LRRC45: variants seen among roughly 807,000 people sequenced by gnomAD.
LRRC45 encodes leucine rich repeat containing 45.
A neutral mutation model predicts 85.4 loss-of-function variants in LRRC45; 73 were observed. The ratio of observed to expected loss-of-function variants is 0.85; its 90% CI spans 0.71 to 1.04. The LOEUF is 1.04. Among genes scored for constraint, LRRC45 ranks in the 50% least tolerant of loss-of-function variants. The pLI is 0.00. For missense variants in LRRC45, 937 were observed against 883.3 expected (o/e 1.06, Z -0.77); for synonymous variants, 429 against 386.0 (o/e 1.11, Z -1.31).
Position 82,024,773 on chromosome 17 carries a change from G to A in LRRC45, c.353+10G>A, listed in dbSNP as rs2043352155. 3 of 1,572,332 alleles carry A rather than the reference G, an allele frequency of 1.9e-6. No individual in the cohort carries two copies. The highest frequency in any genetic ancestry group is 1.4e-5 in the African/African-American group (1 of 72,590). On this transcript the variant is annotated intron_variant, in intron 3 of 16. Transcript: ENST00000306688. ...ACAAGTCCATTCAGAGGTGGGTGGT[G>A]GTCCCGACCCCAGGCCCTGTCTCTG...
intron 14 of LRRC45, 40 bp downstream of exon 14, chr17:82,029,675 C>T (rs2043400296): frequency 6.5e-7 from 1 of 1,536,104 alleles, no homozygotes; most frequent in Non-Finnish European, 8.8e-7. Context: ...GGGAGCCAGG[C>T]TGCCCGGCAT....
Position 82,029,537 on chromosome 17 carries a change from G to A in LRRC45, c.1402-6G>A. ...AGAACGGGCTGGCAGGTGGCCATCT[G>A]TGCAGGAGCTGAGCCGAGTGAAAGC... On this transcript the variant is annotated splice_polypyrimidine_tract_variant and splice_region_variant and intron_variant, in intron 13 of 16. Transcript: ENST00000306688. 6.4e-7 allele frequency: 1 copy of A among 1,563,226 alleles called. No homozygotes were observed. The highest frequency in any genetic ancestry group is 8.7e-7 in the Non-Finnish European group (1 of 1,155,470).
rs1459985390 is a variant in LRRC45 at position 82,029,534 on chromosome 17, T to C, written c.1402-9T>C. The C allele has an allele frequency of 6.4e-7, 1 of 1,561,358 alleles. No homozygotes were observed. On this transcript the variant is annotated splice_polypyrimidine_tract_variant and intron_variant, in intron 13 of 16. Coordinates refer to ENST00000306688, the MANE Select transcript of LRRC45 (RefSeq NM_144999.4). ...AGGAGAACGGGCTGGCAGGTGGCCA[T>C]CTGTGCAGGAGCTGAGCCGAGTGAA...
At position 82,027,396 on chromosome 17, in the gene LRRC45, T is replaced by C. The variant is rs754448588; in HGVS notation, c.785T>C (p.Leu262Ser). Reference protein sequence around the residue: ...REEKSKQFLDLMETIDKQREE... With the variant: ...REEKSKQFLDSMETIDKQREE... ...TGTCTCTGTCCCCAGTTCCTCGACT[T>C]GATGGAGACTATTGATAAGCAGCGA... Residue 262 changes from leucine to serine, a missense_variant, in exon 7 of 17, where the codon TTG (leucine) becomes TCG (serine). By Grantham distance (145) the Leu-to-Ser change is moderately radical (BLOSUM62 -2). Transcript: ENST00000306688. 1.6e-5 allele frequency: 26 copies of C among 1,612,472 alleles called. No individual in the cohort carries two copies. In the Admixed American group the frequency reaches 3.5e-4, roughly 22 times the overall value.
At position 82,027,906 on chromosome 17, in the gene LRRC45, C is replaced by T. The variant is rs1598455528; in HGVS notation, c.912-105C>T. Reference sequence around the variant, plus strand: ...GAAGCCTTCCTGGAGGAGGCGGGTGCTGGCTGGGGTTGACTAGGTGCCCAG... The same window carrying T: ...GAAGCCTTCCTGGAGGAGGCGGGTGTTGGCTGGGGTTGACTAGGTGCCCAG... On this transcript the variant is annotated intron_variant, in intron 8 of 16. Transcript: ENST00000306688. 2.4e-5 allele frequency: 36 copies of T among 1,521,330 alleles called. 1 individual carries two copies. The East Asian group carries it at 7.5e-4, about 32-fold the overall frequency. 94.2% of individuals were successfully genotyped at this position (1,521,330 alleles called of 1,614,324 possible). A position where few individuals can be genotyped will look rare whatever the true frequency, so the allele number is the denominator to read the frequency against.
At position 82,028,230 on chromosome 17, in the gene LRRC45, C is replaced by T. The variant is rs1246055410; in HGVS notation, c.1048-4C>T. ...TCACTACCCATACCCCGTTCCCCTC[C>T]CAGGAAGCTGCAGAGCGGGAGTCTA... On this transcript the variant is annotated splice_region_variant and splice_polypyrimidine_tract_variant and intron_variant, in intron 9 of 16. Coordinates refer to ENST00000306688, the MANE Select transcript of LRRC45 (RefSeq NM_144999.4). 3 of 1,570,766 alleles carry T rather than the reference C, an allele frequency of 1.9e-6. No homozygotes were observed. Among genetic ancestry groups the T allele is most frequent in the Non-Finnish European group, 1.7e-6 (2 of 1,157,930 alleles).
intron 1 of LRRC45, 100 bp downstream of exon 1, chr17:82,023,963 G>C: frequency 8.4e-7 from 1 of 1,194,076 alleles, no homozygotes; most frequent in Non-Finnish European, 1.2e-6. Context: ...TCCAATTTCT[G>C]TGCCGTAGTT....
At chr17:82,029,738 G>A in intron 14 of LRRC45, 103 bp downstream of exon 14, 1 of 1,176,798 alleles carries the variant, frequency 8.5e-7, no homozygotes, top group Non-Finnish European at 1.2e-6. Context: ...AGGCGGGAGT[G>A]TGGTGTTGAG....
At chr17:82,027,580 A>C (rs1000218612) in intron 7 of LRRC45, 94 bp from the exon 8 acceptor site, 2 of 1,537,432 alleles carry the variant, frequency 1.3e-6, no homozygotes, top group Admixed American at 1.8e-5. Flanking sequence ...GCGACCATAG[A>C]TGCTTAAGGA....
intron 2 of LRRC45, 43 bp downstream of exon 2, chr17:82,024,382 G>T: frequency 6.2e-7 from 1 of 1,608,592 alleles, no homozygotes. Context: ...TGCCACCCAA[G>T]GGCAAGAGGA....
At chr17:82,025,283 G>A in intron 4 of LRRC45, 96 bp from the exon 5 acceptor site, 1 of 1,525,608 alleles carries the variant, frequency 6.6e-7, no homozygotes, top group Non-Finnish European at 8.8e-7. Flanking sequence ...CTCTGTTGAT[G>A]ACTGCAAGGC....
Position 82,030,191 on chromosome 17 carries a change from G to A in LRRC45, c.1621G>A (p.Gly541Ser), listed in dbSNP as rs1221132460. Residue 541 changes from glycine (G) to serine (S), a missense_variant, in exon 15 of 17, where the codon GGC (glycine) becomes AGC (serine). Coordinates refer to ENST00000306688, the MANE Select transcript of LRRC45 (RefSeq NM_144999.4). Reference sequence around the variant, plus strand: ...GGCCCAGACCCGGGTCAGCCAGCTGGGCCTGCAAGTTGAGGGCCTGCGGCG... The same window carrying A: ...GGCCCAGACCCGGGTCAGCCAGCTGAGCCTGCAAGTTGAGGGCCTGCGGCG... ...AEAQTRVSQL[G>S]LQVEGLRRRL... 1.4e-5 allele frequency: 22 copies of A among 1,542,166 alleles called. No individual in the cohort carries two copies. The highest frequency in any genetic ancestry group is 1.8e-4 in the Middle Eastern group (1 of 5,560).
Position 82,025,386 on chromosome 17 carries a change from C to T in LRRC45, c.540C>T (p.Arg180=). The change falls in exon 5 of 17, where the codon CGC becomes CGT. Residue 180 remains arginine (R), a synonymous_variant. Coordinates refer to ENST00000306688, the MANE Select transcript of LRRC45 (RefSeq NM_144999.4). ...CTACAGGTTTCCTTCCAGACCTGCG[C>T]TGGAATAACGTTGGCCTCCTGGGGG... The part of the protein sequence containing the change: ...GNTTLQQLDL[R]WNNVGLLGGR... The T allele has an allele frequency of 6.3e-7, 1 of 1,584,364 alleles. No homozygotes were observed. Among genetic ancestry groups the T allele is most frequent in the Non-Finnish European group, 8.6e-7 (1 of 1,164,134 alleles).
Position 82,029,324 on chromosome 17 carries a change from C to G in LRRC45, c.1401+139C>G. 12 of 948,380 alleles carry G rather than the reference C, an allele frequency of 1.3e-5. No homozygotes were observed. In the South Asian group the frequency reaches 2.0e-4, roughly 16 times the overall value. 58.7% of individuals were successfully genotyped at this position (948,380 alleles called of 1,614,324 possible). A position where few individuals can be genotyped will look rare whatever the true frequency, so the allele number is the denominator to read the frequency against. ...CATAGGCCCCACCTTGGGGACCCACCCACCAGTGTGCCCAAGAAGCTAAAG... is the reference window on the plus strand; with the variant it reads ...CATAGGCCCCACCTTGGGGACCCACGCACCAGTGTGCCCAAGAAGCTAAAG... On this transcript the variant is annotated intron_variant, in intron 13 of 16. Coordinates refer to ENST00000306688, the MANE Select transcript of LRRC45 (RefSeq NM_144999.4).
At chr17:82,025,322 G>A in intron 4 of LRRC45, 57 bp from the exon 5 acceptor site, 2 of 1,535,176 alleles carry the variant, frequency 1.3e-6, no homozygotes, top group Non-Finnish European at 1.8e-6. Flanking sequence ...ACCCCGGCCA[G>A]GCCAGCTCCC....
In LRRC45 at chr17:82,025,033, G is replaced by A; in HGVS notation, c.387G>A (p.Trp129Ter). Residue 129 changes from tryptophan (W) to a stop codon, truncating the protein, a stop_gained, in exon 4 of 17, where the codon TGG becomes TGA. Transcript: ENST00000306688. LOFTEE classifies it high-confidence loss of function. Reference sequence around the variant, plus strand: ...TGGAGTGGAACAGCCTGGGCACGTGGGACGATGCCTTCGCCACCTTCTGCG... The same window carrying A: ...TGGAGTGGAACAGCCTGGGCACGTGAGACGATGCCTTCGCCACCTTCTGCG... ...LTLEWNSLGT[W>*]DDAFATFCGG... The A allele has an allele frequency of 6.2e-7, 1 of 1,603,024 alleles. No individual in the cohort carries two copies. The highest frequency in any genetic ancestry group is 8.5e-7 in the Non-Finnish European group (1 of 1,175,324).
At chr17:82,026,504 C>T (rs2144142543) in intron 5 of LRRC45, among the ~76,000 whole-genome samples, 1 of 152,006 alleles carries the variant, frequency 6.6e-6, no homozygotes, top group African/African-American at 2.4e-5. Flanking sequence ...CCGCTGGGTG[C>T]AGGGCTGGTG....
At chr17:82,026,599 T>TGTGTGTGTGTGA (rs1416301920) in intron 5 of LRRC45, among the ~76,000 whole-genome samples, 91 of 151,096 alleles carry the variant, frequency 6.0e-4, no homozygotes, top group African/African-American at 1.8e-3. Context: ...TGTGTGTGTG[T>TGTGTGTGTGTGA]GACTGAGTTT....
chr17:82,028,555 G>C lies in LRRC45; in HGVS notation c.1237+47G>C, dbSNP rs201122444. ...GTGGAGGGGCCTGGGGATGGGCACC[G>C]GGGGACGGGGGCCCCCAGGGGATGC... is the stretch of plus-strand genomic sequence containing the variant. On this transcript the variant is annotated intron_variant, in intron 11 of 16. Coordinates refer to ENST00000306688, the MANE Select transcript of LRRC45 (RefSeq NM_144999.4). 114 of 1,611,262 alleles carry C rather than the reference G, an allele frequency of 7.1e-5. No homozygotes were observed. The East Asian group carries it at 1.9e-3, about 27-fold the overall frequency.
Sources: gnomAD v4.1 joint callset for allele counts (sites outside exome capture counted in the v4.1 genomes callset) on GRCh38, gnomAD v4.1.1 for gene constraint, MANE v1.5 for transcripts, NCBI Gene and HGNC (gene_info 2026-07-23, HGNC 2026-07-21) for gene names.